Variants in CFAP47 observed in about 807,000 individuals in gnomAD.
The protein encoded by CFAP47 is cilia and flagella associated protein 47.
Under a neutral mutation model 148.1 loss-of-function variants are expected in CFAP47, and 29 were observed. The ratio of observed to expected loss-of-function variants is 0.20; its 90% CI spans 0.15 to 0.27. The LOEUF is 0.27. Ranked by LOEUF, CFAP47 falls within the 10% of genes least tolerant of loss-of-function variation. The probability of loss-of-function intolerance (pLI) is 1.00; values close to 1 mark genes in which losing one functional copy is unlikely to be tolerated. For missense variants in CFAP47, 1,872 were observed against 1,697.5 expected, an observed-to-expected ratio of 1.10 and a Z score of -1.81; for synonymous variants, 664 against 577.3, an observed-to-expected ratio of 1.15 and a Z score of -2.15.
intron 23 of CFAP47, among the ~76,000 whole-genome samples, chrX:36,032,947 C>A (rs1937297481): frequency 1.8e-5 from 2 of 110,859 alleles, no homozygotes. Flanking sequence ...ATGCAGTGTT[C>A]AACTTAGAGG....
chrX:36,123,286 T>A (rs1938777768), intron 33 of CFAP47, among the ~76,000 whole-genome samples: 1 of 112,130 alleles, frequency 8.9e-6, no homozygotes, highest in Non-Finnish European at 1.9e-5. Flanking sequence ...AACCACTCCC[T>A]AGCTACTGCT....
intron 2 of CFAP47, among the ~76,000 whole-genome samples, chrX:35,936,830 C>A (rs1935921181): frequency 9.1e-6 from 1 of 110,041 alleles, no homozygotes; most frequent in South Asian, 3.9e-4. Flanking sequence ...GGAGTGGAGG[C>A]ATTTTTTTTT....
At chrX:36,376,939 A>G (rs1427537272) in intron 62 of CFAP47, among the ~76,000 whole-genome samples, 2 of 110,170 alleles carry the variant, frequency 1.8e-5, no homozygotes, top group Non-Finnish European at 1.9e-5. Context: ...CCGTGTCCCT[A>G]CAAAGGACAT....
chrX:36,154,972 G>C (rs1939350349), intron 37 of CFAP47, among the ~76,000 whole-genome samples: 1 of 110,996 alleles, frequency 9.0e-6, no homozygotes. Context: ...CCATAAAATA[G>C]GTAGCTTACA....
intron 42 of CFAP47, among the ~76,000 whole-genome samples, chrX:36,195,770 T>G (rs1343369604): frequency 1.8e-5 from 2 of 111,539 alleles, no homozygotes; most frequent in African/African-American, 6.5e-5. Context: ...TGTTCGCATT[T>G]GAAGGGAAGG....
At chrX:35,926,496 C>G (rs767026036) in intron 2 of CFAP47, among the ~76,000 whole-genome samples, 10 of 111,827 alleles carry the variant, frequency 8.9e-5, no homozygotes, top group Non-Finnish European at 1.3e-4. Flanking sequence ...AATCAAAATG[C>G]TGTTCTTCTG....
chrX:36,001,266 G>C (rs1168749908), intron 20 of CFAP47, among the ~76,000 whole-genome samples: 1 of 111,554 alleles, frequency 9.0e-6, no homozygotes, highest in Non-Finnish European at 1.9e-5. Flanking sequence ...CATCAAAGGA[G>C]ATCTGACTCT....
Position 35,919,877 on chromosome X carries a change from C to T in CFAP47, c.78C>T (p.Leu26=), listed in dbSNP as rs1172461837. 5 of 1,210,611 alleles carry T rather than the reference C, an allele frequency of 4.1e-6. No homozygotes were observed. The highest frequency in any genetic ancestry group is 5.6e-6 in the Non-Finnish European group (5 of 895,052). The stretch of plus-strand genomic sequence containing the variant: ...CCATGAGCATCCAAAGGGGTTCCCT[C>T]GTCCCCCGGGATATGGATAGCTCGG... ...SLAMSIQRGS[L]VPRDMDSSGR... is the part of the protein sequence containing the mutation. The change falls in exon 1 of 64, where the codon CTC becomes CTT. Residue 26 remains leucine (L), a synonymous_variant. Transcript: ENST00000378653.
intron 57 of CFAP47, among the ~76,000 whole-genome samples, chrX:36,341,138 C>T (rs1193097286): frequency 1.9e-5 from 2 of 106,648 alleles, no homozygotes; most frequent in African/African-American, 6.8e-5. Context: ...CAGGTTCAAG[C>T]GATTCTCCTG....
intron 46 of CFAP47, among the ~76,000 whole-genome samples, chrX:36,229,734 A>G (rs1432185992): frequency 3.8e-5 from 4 of 106,225 alleles, no homozygotes; most frequent in Admixed American, 1.0e-4. Flanking sequence ...AGCATTAGGT[A>G]TATCTCCTAA....
chrX:36,337,921 C>T (rs781939083), intron 57 of CFAP47, among the ~76,000 whole-genome samples: 118 of 86,717 alleles, frequency 1.4e-3, no homozygotes, highest in African/African-American at 5.1e-3. Context: ...GGCTGGAGTG[C>T]GGTGTGGCGC....
At chrX:36,265,403 T>A (rs1262664856) in intron 49 of CFAP47, among the ~76,000 whole-genome samples, 1 of 112,011 alleles carries the variant, frequency 8.9e-6, no homozygotes, top group African/African-American at 3.2e-5. Flanking sequence ...TATTTCTTTA[T>A]CTTGTTTGAT....
intron 57 of CFAP47, among the ~76,000 whole-genome samples, chrX:36,323,907 C>A (rs1556012536): frequency 9.0e-6 from 1 of 111,044 alleles, no homozygotes; most frequent in Non-Finnish European, 1.9e-5. Context: ...ATATATATTT[C>A]TAGAAATTAT....
chrX:36,082,787 G>A (rs964902996), intron 29 of CFAP47, among the ~76,000 whole-genome samples: 6 of 111,338 alleles, frequency 5.4e-5, no homozygotes, highest in Admixed American at 3.9e-4. Context: ...AATCCTTCCA[G>A]TAGAATGTTT....
In CFAP47 at chrX:36,135,409, T is replaced by C. The variant is rs569303327; in HGVS notation, c.5321-2549T>C. On this transcript the variant is annotated intron_variant, in intron 33 of 63. Transcript: ENST00000378653. ...AACCAAATGCCCTTCAATTGGTGAA[T>C]GAATACCTCATCTCTGTGACATCCA... is the stretch of plus-strand genomic sequence containing the variant. Among the ~76,000 whole-genome samples the C allele has an allele frequency of 9.8e-5, 11 of 111,919 alleles. No individual in the cohort carries two copies. In the East Asian group the frequency reaches 3.1e-3, roughly 32 times the overall value.
rs1034901773 is a variant in CFAP47 at position 36,235,272 on chromosome X, C to T, written c.7015-662C>T. 2.7e-5 allele frequency among the ~76,000 whole-genome samples: 3 copies of T among 112,139 alleles called. No individual in the cohort carries two copies. In the South Asian group the frequency reaches 1.1e-3, roughly 42 times the overall value. ...CCCTTGAGCTGCGGTGGGCTCCACC[C>T]AGTTCAAGCTTCCCAGCTGCTTTGT... On this transcript the variant is annotated intron_variant, in intron 46 of 63. Coordinates refer to ENST00000378653, the MANE Select transcript of CFAP47 (RefSeq NM_001304548.2).
chrX:36,073,271 T>C lies in CFAP47; in HGVS notation c.4598T>C (p.Phe1533Ser), dbSNP rs1937789632. The C allele has an allele frequency of 8.3e-7, 1 of 1,210,261 alleles. No individual in the cohort carries two copies. Among genetic ancestry groups the C allele is most frequent in the Non-Finnish European group, 1.1e-6 (1 of 894,555 alleles). Reference sequence around the variant, plus strand: ...GAAGGAACAAAGGCACACTACTTTTTTGAGAAGGTTGTAAATGCAGCACAG... The same window carrying C: ...GAAGGAACAAAGGCACACTACTTTTCTGAGAAGGTTGTAAATGCAGCACAG... ...LEEGTKAHYF[F>S]EKVVNAAQTW... Residue 1533 changes from phenylalanine (F) to serine (S), a missense_variant, in exon 29 of 64, where the codon TTT (phenylalanine) becomes TCT (serine). By Grantham distance (155) the Phe-to-Ser change is radical. Coordinates refer to ENST00000378653, the MANE Select transcript of CFAP47 (RefSeq NM_001304548.2).
At chrX:36,119,310 A>G (rs992964628) in intron 33 of CFAP47, among the ~76,000 whole-genome samples, 2 of 112,062 alleles carry the variant, frequency 1.8e-5, no homozygotes, top group Non-Finnish European at 3.8e-5. Context: ...TTCAGCATCA[A>G]TTGAAATGGT....
intron 27 of CFAP47, among the ~76,000 whole-genome samples, chrX:36,066,679 AT>A (rs1484255339): frequency 9.0e-6 from 1 of 111,704 alleles, no homozygotes; most frequent in Non-Finnish European, 1.9e-5. Flanking sequence ...TTATCTTTTC[AT>A]TTCTGTCTCC....
Sources: allele counts gnomAD v4.1 joint callset (sites outside exome capture counted in the v4.1 genomes callset), GRCh38; gene constraint gnomAD v4.1.1; transcripts MANE v1.5; gene names NCBI Gene and HGNC (gene_info 2026-07-23, HGNC 2026-07-21).